RPH3AL: variants seen among roughly 807,000 people sequenced by gnomAD.
The protein encoded by RPH3AL is rab effector Noc2.
RPH3AL carries 38 observed loss-of-function variants against 43.1 expected under a neutral mutation model. That is an observed-to-expected ratio of 0.88 (90% CI 0.68 to 1.15). RPH3AL has a LOEUF of 1.15. Among genes scored for constraint, RPH3AL ranks in the 50% most tolerant of loss-of-function variants. The pLI, the probability that RPH3AL is intolerant of heterozygous loss-of-function variation, is 0.00. For missense variants in RPH3AL, 462 were observed against 423.2 expected (o/e 1.09, Z -0.81); for synonymous variants, 189 against 176.3 (o/e 1.07, Z -0.57).
chr17:315,287 C>A (rs879050179), intron 5 of RPH3AL, among the ~76,000 whole-genome samples: 513 of 2,170 alleles, frequency 0.24, 3 homozygotes, highest in Admixed American at 0.28. Flanking sequence ...AGTCCCTGTG[C>A]CCCCACCTCC....
At chr17:229,242 C>G (rs2041171347) in intron 7 of RPH3AL, among the ~76,000 whole-genome samples, 1 of 152,196 alleles carries the variant, frequency 6.6e-6, no homozygotes, top group African/African-American at 2.4e-5. Context: ...CAATGCCTGC[C>G]TCAACTTCCT....
At chr17:217,419 G>C (rs2040835774) in intron 8 of RPH3AL, among the ~76,000 whole-genome samples, 1 of 43,992 alleles carries the variant, frequency 2.3e-5, no homozygotes, top group Admixed American at 2.3e-4. Flanking sequence ...TTATTACAGA[G>C]CCCTTCTTCT....
rs1555540421 is a variant in RPH3AL at position 247,166 on chromosome 17, C to T, written c.558G>A (p.Glu186=). Residue 186 remains glutamate (E), a synonymous_variant, in exon 7 of 10, where the codon GAG becomes GAA. Coordinates refer to ENST00000331302, the MANE Select transcript of RPH3AL (RefSeq NM_006987.4). ...TGGTCTCAGAGCTTCTGGGCTCTCG[C>T]TCTGCCGGTTCCGTGGGCAAAGGTC... ...HFRPLPTEPA[E]REPRSSETSR... is the part of the protein sequence containing the mutation. The T allele has an allele frequency of 1.9e-6, 3 of 1,614,130 alleles. No individual in the cohort carries two copies. The highest frequency in any genetic ancestry group is 1.1e-5 in the South Asian group (1 of 91,082).
chr17:248,366 T>G (rs1480734979), intron 6 of RPH3AL, among the ~76,000 whole-genome samples: 2 of 152,192 alleles, frequency 1.3e-5, no homozygotes, highest in East Asian at 3.9e-4. Context: ...TCTATCCTCC[T>G]TGCATCCTGA....
At chr17:272,266 A>G (rs1329251390) in intron 6 of RPH3AL, among the ~76,000 whole-genome samples, 1 of 152,164 alleles carries the variant, frequency 6.6e-6, no homozygotes, top group Admixed American at 6.5e-5. Context: ...TATATACCCA[A>G]AGGACTATAA....
intron 7 of RPH3AL, among the ~76,000 whole-genome samples, chr17:242,014 G>A (rs977185871): frequency 1.3e-5 from 2 of 152,104 alleles, no homozygotes; most frequent in African/African-American, 4.8e-5. Context: ...CTATTCAGGA[G>A]GCTAAGACTT....
chr17:320,509 T>TGCC (rs1247962259), intron 4 of RPH3AL, among the ~76,000 whole-genome samples: 3 of 151,988 alleles, frequency 2.0e-5, no homozygotes, highest in Non-Finnish European at 4.4e-5. Context: ...GGTGTGGTGG[T>TGCC]GCCCACGCAC....
chr17:275,095 G>T (rs1720615854), intron 6 of RPH3AL, among the ~76,000 whole-genome samples: 1 of 152,014 alleles, frequency 6.6e-6, no homozygotes, highest in Non-Finnish European at 1.5e-5. Flanking sequence ...AAATGATCAG[G>T]AATTACCCAA....
At chr17:272,501 A>G (rs2042490928) in intron 6 of RPH3AL, among the ~76,000 whole-genome samples, 1 of 150,506 alleles carries the variant, frequency 6.6e-6, no homozygotes, top group African/African-American at 2.4e-5. Context: ...AAACTATCGC[A>G]AGGACAGAAA....
intron 6 of RPH3AL, among the ~76,000 whole-genome samples, chr17:256,200 G>C (rs1467737825): frequency 1.1e-5 from 1 of 91,854 alleles, no homozygotes; most frequent in Non-Finnish European, 2.8e-5. Flanking sequence ...CACGGCGTCT[G>C]TCCTTTTCCG....
At chr17:312,684 T>C (rs771152959) in intron 5 of RPH3AL, among the ~76,000 whole-genome samples, 1 of 152,210 alleles carries the variant, frequency 6.6e-6, no homozygotes, top group African/African-American at 2.4e-5. Context: ...GGCAGTCTGC[T>C]AAGGGCTTCT....
intron 5 of RPH3AL, among the ~76,000 whole-genome samples, chr17:294,945 A>G (rs376850677): frequency 0.019 from 582 of 31,062 alleles, no homozygotes; most frequent in East Asian, 0.031. Context: ...AAATGGATGG[A>G]CAGAGGGAAT....
chr17:320,390 C>A (rs898863650), intron 4 of RPH3AL, among the ~76,000 whole-genome samples: 1 of 152,074 alleles, frequency 6.6e-6, no homozygotes, highest in Non-Finnish European at 1.5e-5. Context: ...CATCCCAGCC[C>A]TTTGTGAGGC....
chr17:312,737 C>T (rs1470946253), intron 5 of RPH3AL, among the ~76,000 whole-genome samples: 2 of 152,228 alleles, frequency 1.3e-5, no homozygotes, highest in Admixed American at 6.5e-5. Flanking sequence ...AGCTTAATGA[C>T]CCCATTTTAC....
In RPH3AL at chr17:350,363, G is replaced by A. The variant is rs542566782; in HGVS notation, c.-213+2349C>T. 3.7e-4 allele frequency among the ~76,000 whole-genome samples: 57 copies of A among 152,218 alleles called. 1 individual carries two copies. Among genetic ancestry groups the A allele is most frequent in the African/African-American group, 1.4e-3 (57 of 41,504 alleles). ...GTGGTGGCACGCACTTGTAATCCAA[G>A]CACTTTGGGAGGCCGAGGTGGGCAG... On this transcript the variant is annotated intron_variant, in intron 1 of 9. Coordinates refer to ENST00000331302, the MANE Select transcript of RPH3AL (RefSeq NM_006987.4).
intron 1 of RPH3AL, among the ~76,000 whole-genome samples, chr17:335,028 C>T (rs2044912418): frequency 6.6e-6 from 1 of 152,216 alleles, no homozygotes; most frequent in Admixed American, 6.5e-5. Context: ...GCTTCAGACT[C>T]CTAGGGTGTG....
chr17:263,472 G>A (rs760859371), intron 6 of RPH3AL, among the ~76,000 whole-genome samples: 44 of 152,292 alleles, frequency 2.9e-4, no homozygotes, highest in South Asian at 8.3e-4. Context: ...CGGGTGACGC[G>A]GTGGCAAGGA....
intron 6 of RPH3AL, among the ~76,000 whole-genome samples, chr17:276,816 T>C (rs557136597): frequency 2.0e-5 from 3 of 152,218 alleles, no homozygotes; most frequent in African/African-American, 7.2e-5. Context: ...CATTTCTCCC[T>C]CTTTTCTTAA....
chr17:352,032 CA>C (rs1298775023), intron 1 of RPH3AL, among the ~76,000 whole-genome samples: 2 of 152,178 alleles, frequency 1.3e-5, no homozygotes, highest in East Asian at 3.9e-4. Context: ...CGCGGCCTTC[CA>C]AAATCTTCAA....
Sources: gnomAD v4.1 joint callset for allele counts (sites outside exome capture counted in the v4.1 genomes callset) on GRCh38, gnomAD v4.1.1 for gene constraint, MANE v1.5 for transcripts, NCBI Gene and HGNC (gene_info 2026-07-23, HGNC 2026-07-21) for gene names.